CNTNAP2: variants seen among roughly 807,000 people sequenced by gnomAD.
CNTNAP2 encodes contactin-associated protein-like 2.
Under a neutral mutation model 155.2 loss-of-function variants are expected in CNTNAP2, and 98 were observed. The ratio of observed to expected loss-of-function variants is 0.63; its 90% CI spans 0.54 to 0.75. The LOEUF is 0.75. CNTNAP2 is among the 30% of genes least tolerant of loss of function. CNTNAP2 has a pLI of 0.00. For synonymous variants in CNTNAP2, 651 were observed against 631.2 expected (o/e 1.03, Z -0.47); for missense variants, 1,727 against 1,688.1 (o/e 1.02, Z -0.40).
chr7:147,272,709 G>T (rs547426786), intron 8 of CNTNAP2, among the ~76,000 whole-genome samples: 20 of 145,554 alleles, frequency 1.4e-4, no homozygotes, highest in Admixed American at 3.5e-4. Context: ...GGGTTTCACC[G>T]TGTTAGCCAG....
intron 3 of CNTNAP2, among the ~76,000 whole-genome samples, chr7:146,891,460 A>G (rs1029202391): frequency 9.2e-5 from 14 of 152,224 alleles, no homozygotes; most frequent in African/African-American, 3.4e-4. Flanking sequence ...TTTACCCAGT[A>G]TGTTAGCTGA....
intron 16 of CNTNAP2, among the ~76,000 whole-genome samples, chr7:148,146,427 T>C (rs1456826625): frequency 1.3e-5 from 2 of 152,220 alleles, no homozygotes; most frequent in Non-Finnish European, 2.9e-5. Context: ...ACTGAGGAAC[T>C]TAACATAAAA....
intron 19 of CNTNAP2, among the ~76,000 whole-genome samples, chr7:148,218,936 CTTTT>C (rs746349465): frequency 1.4e-5 from 1 of 73,630 alleles, no homozygotes; most frequent in African/African-American, 5.8e-5. Context: ...TAAGATCACT[CTTTT>C]TTTTTTTTTT....
At position 147,833,794 on chromosome 7, in the gene CNTNAP2, G is replaced by A. The variant is rs1448727413; in HGVS notation, c.2099-69771G>A. 2.0e-5 allele frequency among the ~76,000 whole-genome samples: 3 copies of A among 152,208 alleles called. No homozygotes were observed. The East Asian group carries it at 5.8e-4, about 29-fold the overall frequency. Reference sequence around the variant, plus strand: ...AAGACAAAGCTCTGTTAGGCAAGGGGTTCTGGGAAATGTAGTTCCTACACT... The same window carrying A: ...AAGACAAAGCTCTGTTAGGCAAGGGATTCTGGGAAATGTAGTTCCTACACT... On this transcript the variant is annotated intron_variant, in intron 13 of 23. Coordinates refer to ENST00000361727, the MANE Select transcript of CNTNAP2 (RefSeq NM_014141.6).
chr7:148,252,244 T>C (rs1352174844), intron 20 of CNTNAP2, among the ~76,000 whole-genome samples: 4 of 152,194 alleles, frequency 2.6e-5, no homozygotes, highest in Admixed American at 6.5e-5. Context: ...TCAAGAAGAA[T>C]ATCAGTTTCT....
chr7:146,496,467 A>G (rs914442942), intron 1 of CNTNAP2, among the ~76,000 whole-genome samples: 2 of 152,202 alleles, frequency 1.3e-5, no homozygotes, highest in Admixed American at 1.3e-4. Context: ...ATTTTAATGG[A>G]GAACAATTGA....
At chr7:148,260,432 T>A (rs556795098) in intron 20 of CNTNAP2, among the ~76,000 whole-genome samples, 1 of 152,220 alleles carries the variant, frequency 6.6e-6, no homozygotes, top group South Asian at 2.1e-4. Context: ...CAAAGCCTTG[T>A]ACACAGCAGT....
intron 9 of CNTNAP2, among the ~76,000 whole-genome samples, chr7:147,313,601 T>C (rs1795166020): frequency 6.6e-6 from 1 of 150,848 alleles, no homozygotes; most frequent in Non-Finnish European, 1.5e-5. Context: ...CTGAGGGCTC[T>C]GTTCTGTTCC....
intron 13 of CNTNAP2, among the ~76,000 whole-genome samples, chr7:147,833,111 G>A (rs1027618609): frequency 6.7e-6 from 1 of 149,598 alleles, no homozygotes. Context: ...CGTTTATTTG[G>A]TGGTATTTTT....
chr7:147,030,498 A>G (rs997146303), intron 3 of CNTNAP2, among the ~76,000 whole-genome samples: 1 of 152,202 alleles, frequency 6.6e-6, no homozygotes, highest in African/African-American at 2.4e-5. Context: ...TATTTTTATC[A>G]AGCTAGTACA....
At chr7:147,244,951 G>C (rs1804022815) in intron 8 of CNTNAP2, among the ~76,000 whole-genome samples, 1 of 152,016 alleles carries the variant, frequency 6.6e-6, no homozygotes, top group Non-Finnish European at 1.5e-5. Flanking sequence ...AGTAAAGCTG[G>C]GTAAAGTGAC....
intron 3 of CNTNAP2, among the ~76,000 whole-genome samples, chr7:147,000,873 G>A (rs978558471): frequency 6.6e-6 from 1 of 152,116 alleles, no homozygotes; most frequent in African/African-American, 2.4e-5. Context: ...CAGTAGTTAT[G>A]TGAACTAGAA....
chr7:148,409,276 G>T, intron 22 of CNTNAP2, 115 bp from the exon 23 acceptor site: 1 of 829,922 alleles, frequency 1.2e-6, no homozygotes, highest in Non-Finnish European at 2.0e-6. Context: ...CTGAAATGGA[G>T]ATTTCATTTG....
At chr7:148,370,419 A>G (rs1309455014) in intron 21 of CNTNAP2, among the ~76,000 whole-genome samples, 1 of 152,200 alleles carries the variant, frequency 6.6e-6, no homozygotes, top group Non-Finnish European at 1.5e-5. Flanking sequence ...CCCACCTTCT[A>G]GCAGAGTGAC....
At chr7:147,638,185 C>T (rs1207473973) in intron 12 of CNTNAP2, among the ~76,000 whole-genome samples, 3 of 152,134 alleles carry the variant, frequency 2.0e-5, no homozygotes, top group African/African-American at 7.2e-5. Context: ...GAACTGCCCT[C>T]AGTCTCTAAT....
intron 21 of CNTNAP2, among the ~76,000 whole-genome samples, chr7:148,310,347 A>T (rs1239999578): frequency 6.6e-6 from 1 of 152,240 alleles, no homozygotes; most frequent in East Asian, 1.9e-4. Flanking sequence ...TGAGTAAGTC[A>T]AGGCCTCAGC....
intron 8 of CNTNAP2, among the ~76,000 whole-genome samples, chr7:147,295,814 A>T (rs539468732): frequency 6.6e-6 from 1 of 152,306 alleles, no homozygotes; most frequent in African/African-American, 2.4e-5. Flanking sequence ...TAACATTAAA[A>T]TTTCAAAATA....
At chr7:146,566,085 G>A (rs1379576508) in intron 1 of CNTNAP2, among the ~76,000 whole-genome samples, 1 of 152,238 alleles carries the variant, frequency 6.6e-6, no homozygotes, top group African/African-American at 2.4e-5. Context: ...CCACCAGGCA[G>A]GTTGCCTGTT....
At chr7:147,737,023 A>C (rs1796861948) in intron 13 of CNTNAP2, among the ~76,000 whole-genome samples, 1 of 152,148 alleles carries the variant, frequency 6.6e-6, no homozygotes, top group Non-Finnish European at 1.5e-5. Flanking sequence ...CTCTCAACTC[A>C]TCAAAGTCAT....
Sources: gnomAD v4.1 joint callset for allele counts (sites outside exome capture counted in the v4.1 genomes callset) on GRCh38, gnomAD v4.1.1 for gene constraint, MANE v1.5 for transcripts, NCBI Gene and HGNC (gene_info 2026-07-23, HGNC 2026-07-21) for gene names.